TNIK: variants seen among roughly 807,000 people sequenced by gnomAD.
The protein encoded by TNIK is TRAF2 and NCK-interacting protein kinase.
A neutral mutation model predicts 191.3 loss-of-function variants in TNIK; 49 were observed. The ratio of observed to expected loss-of-function variants is 0.26; its 90% confidence interval spans 0.20 to 0.32. The LOEUF (loss-of-function observed/expected upper bound fraction) is 0.32. Ranked by LOEUF, TNIK falls within the 10% of genes least tolerant of loss-of-function variation. The pLI is 1.00. For synonymous variants in TNIK, 594 were observed against 600.9 expected, an observed-to-expected ratio of 0.99 and a Z score of 0.17; for missense variants, 1,155 against 1,702.3, an observed-to-expected ratio of 0.68 and a Z score of 5.66.
intron 2 of TNIK, among the ~76,000 whole-genome samples, chr3:171,333,475 T>G (rs958680430): frequency 1.3e-5 from 2 of 151,118 alleles, no homozygotes; most frequent in African/African-American, 2.4e-5. Flanking sequence ...AAGAATCGCT[T>G]GAACCTGGGA....
chr3:171,153,547 G>T (rs919915967), intron 12 of TNIK, among the ~76,000 whole-genome samples: 2 of 152,024 alleles, frequency 1.3e-5, no homozygotes, highest in Non-Finnish European at 2.9e-5. Flanking sequence ...ACCATCATCT[G>T]TCCAAAGCAT....
At chr3:171,309,788 C>A (rs1753825491) in intron 2 of TNIK, among the ~76,000 whole-genome samples, 1 of 152,086 alleles carries the variant, frequency 6.6e-6, no homozygotes, top group Admixed American at 6.6e-5. Context: ...GTCACACAAG[C>A]AGCTGGGTGT....
intron 2 of TNIK, among the ~76,000 whole-genome samples, chr3:171,344,369 A>T (rs1398717279): frequency 6.6e-6 from 1 of 152,152 alleles, no homozygotes; most frequent in East Asian, 1.9e-4. Context: ...ACCACAAGAA[A>T]GTCTTGCTTC....
At chr3:171,381,601 C>A (rs1307490786) in intron 1 of TNIK, among the ~76,000 whole-genome samples, 2 of 152,186 alleles carry the variant, frequency 1.3e-5, no homozygotes, top group Non-Finnish European at 2.9e-5. Flanking sequence ...TTCATTCTCC[C>A]CTTGCTCCTT....
chr3:171,434,362 C>A (rs1725751808), intron 1 of TNIK, among the ~76,000 whole-genome samples: 1 of 152,124 alleles, frequency 6.6e-6, no homozygotes, highest in African/African-American at 2.4e-5. Context: ...TCTAATATAT[C>A]TTTAGTTGAT....
rs375731561 is a variant in TNIK at position 171,368,852 on chromosome 3, CAGTT to C, written c.123+764_123+767del. Among the ~76,000 whole-genome samples the C allele has an allele frequency of 2.0e-5, 3 of 152,032 alleles. No homozygotes were observed. In the East Asian group the frequency reaches 5.8e-4, roughly 29 times the overall value. ...TTCCCTAGAAATTATCATGAGGAAA[CAGTT>C]GGTTTGTTTTGATGGCATTTCAATA... On this transcript the variant is annotated intron_variant, in intron 2 of 32. Transcript: ENST00000436636.
At chr3:171,148,695 G>A (rs538852682) in intron 12 of TNIK, among the ~76,000 whole-genome samples, 2 of 152,182 alleles carry the variant, frequency 1.3e-5, no homozygotes, top group East Asian at 1.9e-4. Context: ...AAGGTTGCAG[G>A]AACTGGTAAC....
chr3:171,236,949 T>C (rs921201318), intron 2 of TNIK, among the ~76,000 whole-genome samples: 1 of 152,066 alleles, frequency 6.6e-6, no homozygotes, highest in Admixed American at 6.5e-5. Context: ...GGGAAATAGA[T>C]GATAATAATA....
intron 1 of TNIK, among the ~76,000 whole-genome samples, chr3:171,459,762 C>T (rs981483127): frequency 2.0e-5 from 3 of 151,946 alleles, no homozygotes; most frequent in Non-Finnish European, 1.5e-5. Context: ...CTGGCATAAG[C>T]TCTACGAGCC....
chr3:171,072,560 T>C (rs1022531916), intron 28 of TNIK, among the ~76,000 whole-genome samples: 2 of 151,970 alleles, frequency 1.3e-5, no homozygotes, highest in Admixed American at 1.3e-4. Context: ...TCCTATAGTA[T>C]TGGAAGTCCT....
chr3:171,224,994 C>G (rs1402745514), intron 3 of TNIK, among the ~76,000 whole-genome samples: 1 of 152,042 alleles, frequency 6.6e-6, no homozygotes, highest in East Asian at 1.9e-4. Context: ...AGAATAAAAA[C>G]AATAATTTAA....
At chr3:171,311,000 A>G (rs1233266672) in intron 2 of TNIK, among the ~76,000 whole-genome samples, 1 of 152,268 alleles carries the variant, frequency 6.6e-6, no homozygotes, top group South Asian at 2.1e-4. Flanking sequence ...CAGCTCAAAC[A>G]CAAGTGGCCC....
chr3:171,236,529 G>A (rs558499422), intron 2 of TNIK, among the ~76,000 whole-genome samples: 8 of 152,308 alleles, frequency 5.3e-5, no homozygotes, highest in African/African-American at 1.9e-4. Flanking sequence ...GGGTCAGGGA[G>A]AGAAAGATGC....
At chr3:171,369,120 A>G (rs1377348537) in intron 2 of TNIK, among the ~76,000 whole-genome samples, 2 of 152,124 alleles carry the variant, frequency 1.3e-5, no homozygotes, top group Non-Finnish European at 2.9e-5. Context: ...CTCAAGTTTA[A>G]CTTTTAATTA....
chr3:171,371,943 A>T (rs900129941), intron 1 of TNIK, among the ~76,000 whole-genome samples: 1 of 91,366 alleles, frequency 1.1e-5, no homozygotes, highest in Non-Finnish European at 2.7e-5. Context: ...ACTAAAAAAA[A>T]AATAACAGAA....
At chr3:171,223,963 C>T (rs1482406294) in intron 3 of TNIK, among the ~76,000 whole-genome samples, 2 of 152,120 alleles carry the variant, frequency 1.3e-5, no homozygotes, top group African/African-American at 4.8e-5. Flanking sequence ...CTCTCCAACT[C>T]TCAGTCCCTG....
chr3:171,185,198 T>C (rs2108813753), intron 7 of TNIK, among the ~76,000 whole-genome samples: 1 of 151,732 alleles, frequency 6.6e-6, no homozygotes, highest in African/African-American at 2.4e-5. Context: ...TGTGTGTGTG[T>C]GTGTGTGTGT....
intron 30 of TNIK, among the ~76,000 whole-genome samples, chr3:171,067,848 C>T (rs1021830639): frequency 6.6e-5 from 10 of 152,104 alleles, no homozygotes; most frequent in Admixed American, 4.6e-4. Flanking sequence ...AGCTGCCTCA[C>T]CAGGAATGTG....
chr3:171,426,014 A>T (rs1724517377), intron 1 of TNIK, among the ~76,000 whole-genome samples: 1 of 152,144 alleles, frequency 6.6e-6, no homozygotes, highest in South Asian at 2.1e-4. Flanking sequence ...TCAGGGACCT[A>T]GAATGAGAAA....
Sources: gnomAD v4.1 joint callset for allele counts (sites outside exome capture counted in the v4.1 genomes callset) on GRCh38, gnomAD v4.1.1 for gene constraint, MANE v1.5 for transcripts, NCBI Gene and HGNC (gene_info 2026-07-23, HGNC 2026-07-21) for gene names.